The following ASIC2 variants were observed in gnomAD, a reference collection of about 807,000 sequenced individuals.
The protein encoded by ASIC2 is acid sensing ion channel subunit 2.
ASIC2 carries 25 observed loss-of-function variants against 57.3 expected under a neutral mutation model. That is an observed-to-expected ratio of 0.44 (90% CI 0.32 to 0.61). The LOEUF is 0.61. ASIC2 is among the 20% of genes least tolerant of loss of function. The pLI is 0.06. For missense variants in ASIC2, 641 were observed against 738.1 expected (o/e 0.87, Z 1.52); for synonymous variants, 319 against 307.5 (o/e 1.04, Z -0.39).
chr17:33,826,343 A>T (rs768916316), intron 1 of ASIC2, among the ~76,000 whole-genome samples: 57 of 152,162 alleles, frequency 3.7e-4, no homozygotes, highest in Non-Finnish European at 7.8e-4. Context: ...GCGCAGAGAC[A>T]TCCCTTTTTG....
In ASIC2 at chr17:33,823,940, C is replaced by T. The variant is rs146954465; in HGVS notation, c.555+332038G>A. 8.1e-3 allele frequency among the ~76,000 whole-genome samples: 1,235 copies of T among 152,324 alleles called. 21 individuals are homozygous for T. Among genetic ancestry groups the T allele is most frequent in the African/African-American group, 0.028 (1,156 of 41,568 alleles). On this transcript the variant is annotated intron_variant, in intron 1 of 9. Transcript: ENST00000359872. ...ATGTGCCATTCTTCTCCACGTCTGGCTTCTCTCTTTGCCCCCATAACCAGC... is the reference window on the plus strand; with the variant it reads ...ATGTGCCATTCTTCTCCACGTCTGGTTTCTCTCTTTGCCCCCATAACCAGC...
At chr17:33,461,034 A>G (rs1912616706) in intron 1 of ASIC2, among the ~76,000 whole-genome samples, 1 of 152,182 alleles carries the variant, frequency 6.6e-6, no homozygotes, top group African/African-American at 2.4e-5. Context: ...TGCAGTCACA[A>G]ATCATCTCGC....
intron 3 of ASIC2, among the ~76,000 whole-genome samples, chr17:33,069,248 C>T (rs1265034800): frequency 6.6e-6 from 1 of 152,118 alleles, no homozygotes. Context: ...TGTTTTATGG[C>T]CCAGAATATG....
chr17:33,533,002 G>T (rs1915101060), intron 1 of ASIC2, among the ~76,000 whole-genome samples: 1 of 152,226 alleles, frequency 6.6e-6, no homozygotes, highest in Admixed American at 6.5e-5. Context: ...CTGGCTCAGA[G>T]ATATTATGCC....
chr17:33,079,804 C>A (rs2141957148), intron 3 of ASIC2, among the ~76,000 whole-genome samples: 1 of 152,170 alleles, frequency 6.6e-6, no homozygotes, highest in African/African-American at 2.4e-5. Flanking sequence ...GTTTTCCGGT[C>A]CCCCTGTGAG....
At chr17:34,119,285 C>T (rs886614715) in intron 1 of ASIC2, among the ~76,000 whole-genome samples, 16 of 152,156 alleles carry the variant, frequency 1.1e-4, no homozygotes, top group African/African-American at 3.9e-4. Flanking sequence ...ACCTAACTCT[C>T]CCAAGCCTCT....
At chr17:33,151,507 A>T (rs538877834) in intron 1 of ASIC2, among the ~76,000 whole-genome samples, 2 of 152,258 alleles carry the variant, frequency 1.3e-5, no homozygotes, top group South Asian at 4.2e-4. Context: ...GACGGTTTGA[A>T]TGTGTACCCA....
At chr17:34,044,831 C>G (rs1908277317) in intron 1 of ASIC2, among the ~76,000 whole-genome samples, 1 of 152,178 alleles carries the variant, frequency 6.6e-6, no homozygotes, top group Non-Finnish European at 1.5e-5. Flanking sequence ...TCTTGGGCTG[C>G]CCCTCATCAT....
chr17:33,836,069 T>TACAC (rs149810649), intron 1 of ASIC2, among the ~76,000 whole-genome samples: 23,051 of 146,356 alleles, frequency 0.16, 2,350 homozygotes, highest in South Asian at 0.23. Context: ...ATTATATATA[T>TACAC]ACACACACAC....
chr17:33,087,137 G>C (rs1490218438), intron 3 of ASIC2, among the ~76,000 whole-genome samples: 1 of 152,150 alleles, frequency 6.6e-6, no homozygotes, highest in Non-Finnish European at 1.5e-5. Flanking sequence ...TAGTAGCTCA[G>C]GCTCTCAGCT....
intron 1 of ASIC2, among the ~76,000 whole-genome samples, chr17:33,728,815 C>A (rs758212949): frequency 1.3e-5 from 2 of 152,096 alleles, no homozygotes; most frequent in African/African-American, 4.8e-5. Flanking sequence ...AGAGCTGCAG[C>A]GCCTATGCCC....
chr17:34,085,632 C>T (rs998633427), intron 1 of ASIC2, among the ~76,000 whole-genome samples: 3 of 152,090 alleles, frequency 2.0e-5, no homozygotes, highest in Non-Finnish European at 4.4e-5. Flanking sequence ...CCTCCTTGTA[C>T]CTCTGGTAGA....
At chr17:33,167,686 C>A (rs931813238) in intron 1 of ASIC2, among the ~76,000 whole-genome samples, 1 of 152,162 alleles carries the variant, frequency 6.6e-6, no homozygotes, top group Non-Finnish European at 1.5e-5. Flanking sequence ...CCCAATAGTG[C>A]GACAGGCTGA....
chr17:33,037,314 T>C (rs990882638), intron 3 of ASIC2, among the ~76,000 whole-genome samples: 1 of 151,392 alleles, frequency 6.6e-6, no homozygotes, highest in Non-Finnish European at 1.5e-5. Context: ...GTTCTTACAA[T>C]GGGTGGACAA....
chr17:33,543,135 G>A (rs1346785533), intron 1 of ASIC2, among the ~76,000 whole-genome samples: 1 of 124,724 alleles, frequency 8.0e-6, no homozygotes, highest in Non-Finnish European at 1.6e-5. Flanking sequence ...GGGGACTGTG[G>A]TGGGGTGGGG....
rs181463385 is a variant in ASIC2 at position 33,462,202 on chromosome 17, A to G, written c.556-350135T>C. Among the ~76,000 whole-genome samples, 404 of 152,258 alleles carry G rather than the reference A, an allele frequency of 2.7e-3. 1 individual carries two copies. In the Middle Eastern group the frequency reaches 0.027, roughly 10 times the overall value. ...CTGTGAATCACTGTGGCAGATACTA[A>G]TTACTCCCTGGTACCTGTCCTCTTT... On this transcript the variant is annotated intron_variant, in intron 1 of 9. Transcript: ENST00000359872.
At chr17:33,043,201 A>G (rs1215069851) in intron 3 of ASIC2, among the ~76,000 whole-genome samples, 1 of 152,206 alleles carries the variant, frequency 6.6e-6, no homozygotes, top group Non-Finnish European at 1.5e-5. Flanking sequence ...CTGGGATTAC[A>G]GGCGTGAGCC....
At chr17:33,994,536 A>G (rs922129664) in intron 1 of ASIC2, among the ~76,000 whole-genome samples, 2 of 152,152 alleles carry the variant, frequency 1.3e-5, no homozygotes, top group East Asian at 1.9e-4. Flanking sequence ...GCCAGACCCA[A>G]TGTGTTTTTT....
In ASIC2 at chr17:33,725,004, C is replaced by T. The variant is rs181959106; in HGVS notation, c.555+430974G>A. ...CAGCTGCTGGTCTGGAAGCCACAGC[C>T]GAGATCTGAAAGGCAGGTTGGCAGC... On this transcript the variant is annotated intron_variant, in intron 1 of 9. Transcript: ENST00000359872. Among the ~76,000 whole-genome samples, 18 of 152,364 alleles carry T rather than the reference C, an allele frequency of 1.2e-4. No individual in the cohort carries two copies. In the East Asian group the frequency reaches 3.5e-3, roughly 29 times the overall value.
Sources: gnomAD v4.1 joint callset for allele counts (sites outside exome capture counted in the v4.1 genomes callset) on GRCh38, gnomAD v4.1.1 for gene constraint, MANE v1.5 for transcripts, NCBI Gene and HGNC (gene_info 2026-07-23, HGNC 2026-07-21) for gene names.